Variants in UBE4B observed in about 807,000 individuals in gnomAD.
The protein encoded by UBE4B is ubiquitination factor E4B.
UBE4B carries 27 observed loss-of-function variants against 148.1 expected under a neutral mutation model. That is an observed-to-expected ratio of 0.18 (90% confidence interval 0.13 to 0.25). UBE4B has a LOEUF of 0.25. Ranked by LOEUF, UBE4B falls within the 10% of genes least tolerant of loss-of-function variation. The pLI, the probability that UBE4B is intolerant of heterozygous loss-of-function variation, is 1.00. For missense variants in UBE4B, 1,170 were observed against 1,662.4 expected (o/e 0.70, Z 5.15); for synonymous variants, 596 against 619.3 (o/e 0.96, Z 0.56).
intron 2 of UBE4B, among the ~76,000 whole-genome samples, chr1:10,075,421 G>A (rs931198707): frequency 2.0e-5 from 3 of 152,148 alleles, no homozygotes; most frequent in Admixed American, 6.5e-5. Flanking sequence ...CTCCTAACTG[G>A]TCATCTCATG....
In UBE4B at chr1:10,181,077, TAA is replaced by T. The variant is rs34197778; in HGVS notation, c.*1133_*1134del. 7.9e-4 allele frequency: 115 copies of T among 145,268 alleles called. No homozygotes were observed. The highest frequency in any genetic ancestry group is 8.5e-4 in the African/African-American group (34 of 39,952). The allele number at this position is 145,268 out of a possible 1,614,324, so 9.0% of individuals were successfully genotyped here. A position where few individuals can be genotyped will look rare whatever the true frequency, so the allele number is the denominator to read the frequency against. ...TTGAATTCTCAAATTTCCTTTGGGG[TAA>T]AAAAAAAAAAAGGATTTGAAACCAT... On this transcript the variant is annotated 3_prime_UTR_variant, in exon 28 of 28. Coordinates refer to ENST00000343090, the MANE Select transcript of UBE4B (RefSeq NM_001105562.3).
intron 1 of UBE4B, among the ~76,000 whole-genome samples, chr1:10,058,213 A>C (rs760641074): frequency 6.6e-5 from 10 of 152,180 alleles, no homozygotes; most frequent in Non-Finnish European, 1.3e-4. Flanking sequence ...TTGGAGAAGA[A>C]ATGTGGTTAA....
chr1:10,051,775 C>T (rs1391636912), intron 1 of UBE4B, among the ~76,000 whole-genome samples: 2 of 152,184 alleles, frequency 1.3e-5, no homozygotes, highest in East Asian at 1.9e-4. Flanking sequence ...AGGTGACACA[C>T]TTTACTCCCA....
Position 10,105,580 on chromosome 1 carries a change from G to A in UBE4B, c.645G>A (p.Gln215=), listed in dbSNP as rs750103368. The A allele has an allele frequency of 1.2e-6, 2 of 1,614,192 alleles. No homozygotes were observed. Among genetic ancestry groups the A allele is most frequent in the Non-Finnish European group, 8.5e-7 (1 of 1,180,038 alleles). Residue 215 remains glutamine (Q), a synonymous_variant, in exon 6 of 28, where the codon CAG becomes CAA. Transcript: ENST00000343090. Reference sequence around the variant, plus strand: ...TGGAAGTGCTAATGATGTCCACTCAGACCAGAGATGAAAACCCATTTGCCA... The same window carrying A: ...TGGAAGTGCTAATGATGTCCACTCAAACCAGAGATGAAAACCCATTTGCCA... ...ILMEVLMMST[Q]TRDENPFASL...
chr1:10,127,703 A>G (rs1048617183), intron 11 of UBE4B, among the ~76,000 whole-genome samples: 2 of 152,176 alleles, frequency 1.3e-5, no homozygotes, highest in African/African-American at 2.4e-5. Flanking sequence ...ATTGGATTCC[A>G]TTATACCATG....
At chr1:10,047,947 G>C (rs974628647) in intron 1 of UBE4B, among the ~76,000 whole-genome samples, 4 of 152,092 alleles carry the variant, frequency 2.6e-5, no homozygotes, top group African/African-American at 9.7e-5. Flanking sequence ...CTAACTCCTG[G>C]GTTCAAGTGA....
intron 2 of UBE4B, among the ~76,000 whole-genome samples, chr1:10,075,423 C>G (rs139022938): frequency 1.6e-4 from 25 of 152,342 alleles, no homozygotes; most frequent in African/African-American, 6.0e-4. Context: ...CCTAACTGGT[C>G]ATCTCATGCC....
chr1:10,135,924 T>C (rs1645675016), intron 16 of UBE4B, among the ~76,000 whole-genome samples: 1 of 152,106 alleles, frequency 6.6e-6, no homozygotes, highest in African/African-American at 2.4e-5. Flanking sequence ...ATAATACTGT[T>C]GTTCTCAATA....
chr1:10,078,680 G>A (rs1644624945), intron 2 of UBE4B, among the ~76,000 whole-genome samples: 2 of 152,100 alleles, frequency 1.3e-5, no homozygotes, highest in African/African-American at 2.4e-5. Flanking sequence ...CTTCCTCGCT[G>A]TTGTGACCTC....
intron 21 of UBE4B, among the ~76,000 whole-genome samples, chr1:10,157,669 T>G (rs1646095852): frequency 6.6e-6 from 1 of 151,964 alleles, no homozygotes; most frequent in Non-Finnish European, 1.5e-5. Flanking sequence ...TCCCAGCTAC[T>G]AGGGAGGCTG....
At chr1:10,156,042 A>AAC (rs1168721424) in intron 21 of UBE4B, among the ~76,000 whole-genome samples, 1 of 151,606 alleles carries the variant, frequency 6.6e-6, no homozygotes, top group East Asian at 1.9e-4. Context: ...AAAAAAAAAA[A>AAC]AAGAAAGAAG....
intron 1 of UBE4B, among the ~76,000 whole-genome samples, chr1:10,062,485 G>C (rs1363489182): frequency 6.6e-6 from 1 of 151,868 alleles, no homozygotes; most frequent in Non-Finnish European, 1.5e-5. Flanking sequence ...GCTAATTTTT[G>C]TATTTTTAGT....
At chr1:10,034,239 A>C (rs1195505773) in intron 1 of UBE4B, among the ~76,000 whole-genome samples, 1 of 152,166 alleles carries the variant, frequency 6.6e-6, no homozygotes, top group Admixed American at 6.5e-5. Flanking sequence ...AGTTTAGAGA[A>C]TTCCAGTTAT....
At position 10,161,837 on chromosome 1, in the gene UBE4B, T is replaced by G. The variant is rs1366302091; in HGVS notation, c.3198+551T>G. ...CTGACGTGCGTAGCAGCCACTGAGA[T>G]ACTTCCTTGGTCGCTTATGAGGCCC... On this transcript the variant is annotated intron_variant, in intron 23 of 27. Coordinates refer to ENST00000343090, the MANE Select transcript of UBE4B (RefSeq NM_001105562.3). The surrounding 1 kb of genome is among the most constrained non-coding windows in gnomAD (Gnocchi z 4.1). Among the ~76,000 whole-genome samples, 5 of 152,164 alleles carry G rather than the reference T, an allele frequency of 3.3e-5. No homozygotes were observed. The highest frequency in any genetic ancestry group is 7.3e-5 in the Non-Finnish European group (5 of 68,042).
intron 25 of UBE4B, among the ~76,000 whole-genome samples, chr1:10,173,207 G>A (rs545409481): frequency 1.2e-4 from 18 of 152,238 alleles, no homozygotes; most frequent in Non-Finnish European, 2.4e-4. Flanking sequence ...GGCCGAGCGC[G>A]GTGGCTCATG....
chr1:10,158,288 G>T, intron 21 of UBE4B, 68 bp from the exon 22 acceptor site: 1 of 1,566,444 alleles, frequency 6.4e-7, no homozygotes, highest in East Asian at 2.3e-5. Flanking sequence ...TATCATTGTT[G>T]GGGCAATAAC....
chr1:10,035,647 C>T (rs1173474745), intron 1 of UBE4B, among the ~76,000 whole-genome samples: 1 of 146,384 alleles, frequency 6.8e-6, no homozygotes, highest in Non-Finnish European at 1.5e-5. Flanking sequence ...ACCTTGTGAT[C>T]TGCCCGCCTC....
chr1:10,101,531 CAG>C (rs1645012489), intron 4 of UBE4B, among the ~76,000 whole-genome samples: 1 of 96,036 alleles, frequency 1.0e-5, no homozygotes, highest in Admixed American at 1.7e-4. Flanking sequence ...TTTTTTGAGA[CAG>C]AGTCTCGCTC....
chr1:10,161,391 C>A lies in UBE4B; in HGVS notation c.3198+105C>A. The A allele has an allele frequency of 1.5e-6, 2 of 1,301,500 alleles. No individual in the cohort carries two copies. The highest frequency in any genetic ancestry group is 2.5e-5 in the East Asian group (1 of 39,494). 80.6% of individuals were successfully genotyped at this position (1,301,500 alleles called of 1,614,324 possible). On this transcript the variant is annotated intron_variant, in intron 23 of 27. Transcript: ENST00000343090. The surrounding 1 kb of genome is among the most constrained non-coding windows in gnomAD (Gnocchi z 4.1). Reference sequence around the variant, plus strand: ...ATTTGTGGGTCTGATGATATGCGATCTGACATGCTGGGATTTTCCTTCCAT... The same window carrying A: ...ATTTGTGGGTCTGATGATATGCGATATGACATGCTGGGATTTTCCTTCCAT...
Sources: allele counts gnomAD v4.1 joint callset (sites outside exome capture counted in the v4.1 genomes callset), GRCh38; gene constraint gnomAD v4.1.1; non-coding constraint Gnocchi (gnomAD v3.1); transcripts MANE v1.5; gene names NCBI Gene and HGNC (gene_info 2026-07-23, HGNC 2026-07-21).